FCRL3: variants seen among roughly 807,000 people sequenced by gnomAD.
FCRL3 encodes Fc receptor like 3, also known as Fc receptor-like protein 3.
A neutral mutation model predicts 75.0 loss-of-function variants in FCRL3; 89 were observed. The observed-to-expected ratio is 1.19, with a 90% confidence interval of 1.00 to 1.42. The LOEUF (loss-of-function observed/expected upper bound fraction) is 1.42, where lower values mean the gene tolerates loss of function less well. Among genes scored for constraint, FCRL3 ranks in the 40% most tolerant of loss-of-function variants. The pLI is 0.00. For missense variants in FCRL3, 946 were observed against 880.0 expected, an observed-to-expected ratio of 1.07 and a Z score of -0.95; for synonymous variants, 376 against 348.5, an observed-to-expected ratio of 1.08 and a Z score of -0.88.
At chr1:157,696,718 T>C (rs1655932971) in intron 6 of FCRL3, 1 of 249,022 alleles carries the variant, frequency 4.0e-6, no homozygotes, top group African/African-American at 2.2e-5. Flanking sequence ...CTTCTCCAGA[T>C]TTACATCCAT....
In FCRL3 at chr1:157,678,689, T is replaced by C; in HGVS notation, c.*21A>G. On this transcript the variant is annotated 3_prime_UTR_variant, in exon 15 of 15. Coordinates refer to ENST00000368184, the MANE Select transcript of FCRL3 (RefSeq NM_052939.4). ...AAAAAATGGTGCAGGCTGTTTCCTG[T>C]GGGCCACTCTGGGTAAGGGGCTAGT... 1 of 1,611,992 alleles carries C rather than the reference T, an allele frequency of 6.2e-7. No homozygotes were observed. The highest frequency in any genetic ancestry group is 8.5e-7 in the Non-Finnish European group (1 of 1,179,776).
chr1:157,679,100 GGA>G, intron 13 of FCRL3, 127 bp from the exon 14 acceptor site: 1 of 1,075,470 alleles, frequency 9.3e-7, no homozygotes, highest in Non-Finnish European at 1.4e-6. Flanking sequence ...TTCCTCTGCT[GGA>G]TTCTTCCAAA....
At chr1:157,679,393 C>T (rs565733485) in intron 13 of FCRL3, among the ~76,000 whole-genome samples, 8 of 152,260 alleles carry the variant, frequency 5.3e-5, no homozygotes, top group Admixed American at 4.6e-4. Context: ...AGATATGAGT[C>T]ACTTCACTTG....
chr1:157,697,467 A>G, intron 5 of FCRL3, 43 bp from the exon 6 acceptor site: 1 of 1,518,280 alleles, frequency 6.6e-7, no homozygotes, highest in Non-Finnish European at 8.8e-7. Flanking sequence ...GGTGAGGCTC[A>G]GAGTTCCTAG....
intron 11 of FCRL3, among the ~76,000 whole-genome samples, chr1:157,681,514 T>A (rs1474836449): frequency 5.3e-5 from 8 of 151,548 alleles, no homozygotes; most frequent in Middle Eastern, 3.4e-3. Flanking sequence ...GTTCTTGCGA[T>A]AGTTTGCTGA....
At chr1:157,682,995 A>T (rs553762642) in intron 11 of FCRL3, among the ~76,000 whole-genome samples, 5 of 152,248 alleles carry the variant, frequency 3.3e-5, no homozygotes, top group Non-Finnish European at 7.3e-5. Context: ...TAGATAAATT[A>T]ACATAGATAG....
chr1:157,695,504 C>A lies in FCRL3; in HGVS notation c.1236G>T (p.Pro412=), dbSNP rs140166500. 72 of 1,614,006 alleles carry A rather than the reference C, an allele frequency of 4.5e-5. No individual in the cohort carries two copies. The highest frequency in any genetic ancestry group is 6.0e-5 in the Non-Finnish European group (71 of 1,180,004). The change falls in exon 8 of 15, where the codon CCG becomes CCT. Residue 412 remains proline, a synonymous_variant. Transcript: ENST00000368184. ...CCTCATGATAAAATCGGTACAGGAT[C>A]GGGGGAGAGCCTCTCAGGGACTCAC... The part of the protein sequence containing the change: ...LHCESLRGSP[P]ILYRFYHEDV...
rs769483978 is a variant in FCRL3 at position 157,697,416 on chromosome 1, G to A, written c.568C>T (p.Leu190=). The A allele has an allele frequency of 1.3e-6, 2 of 1,540,124 alleles. No individual in the cohort carries two copies. Among genetic ancestry groups the A allele is most frequent in the Non-Finnish European group, 1.7e-6 (2 of 1,148,318 alleles). Residue 190 remains leucine (L), a synonymous_variant, in exon 6 of 15, where the codon CTA becomes TTA. Coordinates refer to ENST00000368184, the MANE Select transcript of FCRL3 (RefSeq NM_052939.4). Reference sequence around the variant, plus strand: ...GAGCTGGCTCTCAGCACAGGATGTAGAAACAGCTCTAATGAAAAGAAACAA... The same window carrying A: ...GAGCTGGCTCTCAGCACAGGATGTAAAAACAGCTCTAATGAAAAGAAACAA... ...PLNIQVQELF[L]HPVLRASSST...
In FCRL3 at chr1:157,695,314, G is replaced by T. The variant is rs1407316355; in HGVS notation, c.1411+15C>A. 1.9e-6 allele frequency: 3 copies of T among 1,608,084 alleles called. No homozygotes were observed. The highest frequency in any genetic ancestry group is 2.5e-6 in the Non-Finnish European group (3 of 1,176,664). ...TTGTATTGGCTGTTAACTGCTGTGG[G>T]TATATCTTGCTTACCTGTGACCCTG... On this transcript the variant is annotated intron_variant, in intron 8 of 14. Transcript: ENST00000368184.
chr1:157,690,440 C>A lies in FCRL3; in HGVS notation c.1505G>T (p.Gly502Val), dbSNP rs1655446293. Residue 502 changes from glycine to valine, a missense_variant, in exon 9 of 15, where the codon GGC becomes GTC. Gly to Val is a moderately radical substitution (Grantham distance 109). Coordinates refer to ENST00000368184, the MANE Select transcript of FCRL3 (RefSeq NM_052939.4). ...LLELHCESLRGSFPILYWFYH... is the reference protein window; with the variant it reads ...LLELHCESLRVSFPILYWFYH... The stretch of plus-strand genomic sequence containing the variant: ...AAACCAGTACAGGATCGGGAAGGAG[C>A]CTCTCAGGGACTCACAGTGAAGCTC... 4 of 1,614,222 alleles carry A rather than the reference C, an allele frequency of 2.5e-6. No homozygotes were observed. The highest frequency in any genetic ancestry group is 2.7e-5 in the African/African-American group (2 of 75,060).
chr1:157,684,997 G>C (rs1655086413), intron 10 of FCRL3, among the ~76,000 whole-genome samples: 1 of 152,002 alleles, frequency 6.6e-6, no homozygotes, highest in Non-Finnish European at 1.5e-5. Context: ...CCTCTGCTTG[G>C]TGAACTGTCC....
At chr1:157,691,164 T>C (rs995205192) in intron 8 of FCRL3, among the ~76,000 whole-genome samples, 8 of 152,164 alleles carry the variant, frequency 5.3e-5, no homozygotes, top group Admixed American at 6.5e-5. Flanking sequence ...TAATTGATGA[T>C]TGAATGGAAA....
At chr1:157,699,573 T>C (rs1264108308) in intron 3 of FCRL3, 119 bp downstream of exon 3, 9 of 1,027,242 alleles carry the variant, frequency 8.8e-6, no homozygotes, top group Non-Finnish European at 1.3e-5. Flanking sequence ...GTAGCAGATG[T>C]GACCCCAGAG....
intron 10 of FCRL3, among the ~76,000 whole-genome samples, chr1:157,688,447 A>G (rs1233005155): frequency 6.6e-6 from 1 of 152,168 alleles, no homozygotes; most frequent in East Asian, 1.9e-4. Flanking sequence ...AAAACTTGAT[A>G]GAATTGCAGA....
Position 157,689,885 on chromosome 1 carries a change from C to T in FCRL3, c.1723G>A (p.Ala575Thr), listed in dbSNP as rs1383153926. The T allele has an allele frequency of 3.7e-6, 6 of 1,614,114 alleles. No individual in the cohort carries two copies. Among genetic ancestry groups the T allele is most frequent in the Non-Finnish European group, 5.1e-6 (6 of 1,180,046 alleles). Residue 575 changes from alanine (A) to threonine (T), a missense_variant, in exon 10 of 15, where the codon GCG (alanine) becomes ACG (threonine). Physicochemically the swap from Ala to Thr is moderately conservative, Grantham distance 58 (BLOSUM62 0). Transcript: ENST00000368184. ...TSRNRTGLTAAGITGLVLSIL... is the reference protein window; with the variant it reads ...TSRNRTGLTATGITGLVLSIL... ...CTGAGCACCAGCCCCGTGATTCCCG[C>T]AGCGGTAAGGCCTGTTCTGTTCCTG...
In FCRL3 at chr1:157,696,085, CG is replaced by C; in HGVS notation, c.1086del (p.Asn362LysfsTer15). 2 of 1,613,294 alleles carry C rather than the reference CG, an allele frequency of 1.2e-6. No individual in the cohort carries two copies. Among genetic ancestry groups the C allele is most frequent in the Non-Finnish European group, 1.7e-6 (2 of 1,179,956 alleles). On this transcript the variant is annotated frameshift_variant, in exon 7 of 15. Transcript: ENST00000368184. LOFTEE classifies it high-confidence loss of function. ...DAGRYYCAAD[N>X]VHSPILSTWI... ...CACGTGCTGAGGATGGGGCTGTGAACGTTATCAGCTGCACAGTAGTATCTCC... is the reference window on the plus strand; with the variant it reads ...CACGTGCTGAGGATGGGGCTGTGAACTTATCAGCTGCACAGTAGTATCTCC...
At chr1:157,680,050 T>G (rs1023879328) in intron 13 of FCRL3, among the ~76,000 whole-genome samples, 1 of 152,118 alleles carries the variant, frequency 6.6e-6, no homozygotes. Context: ...CAGTGTGAGT[T>G]TCACTGTTAC....
chr1:157,700,750 A>G lies in FCRL3; in HGVS notation c.-185T>C. The stretch of plus-strand genomic sequence containing the variant: ...CTTCCATCAGCTGCAGTCTCTCAGG[A>G]GTAATGTCTCCAAGACTGTGCCTGG... On this transcript the variant is annotated 5_prime_UTR_variant, in exon 1 of 15. Coordinates refer to ENST00000368184, the MANE Select transcript of FCRL3 (RefSeq NM_052939.4). 7.2e-7 allele frequency: 1 copy of G among 1,387,224 alleles called. No homozygotes were observed. Among genetic ancestry groups the G allele is most frequent in the Middle Eastern group, 2.7e-4 (1 of 3,720 alleles). 85.9% of individuals were successfully genotyped at this position (1,387,224 alleles called of 1,614,324 possible). A position where few individuals can be genotyped will look rare whatever the true frequency, so the allele number is the denominator to read the frequency against.
chr1:157,679,828 C>CAAAAAAAAAAAAAA lies in FCRL3; in HGVS notation c.2027-856_2027-855insTTTTTTTTTTTTTT, dbSNP rs879258382. Among the ~76,000 whole-genome samples the CAAAAAAAAAAAAAA allele has an allele frequency of 6.5e-3, 182 of 27,896 alleles. 27 individuals carry two copies. The highest frequency in any genetic ancestry group is 0.011 in the South Asian group (3 of 264). The allele number at this position is 27,896 out of a possible 152,430, so 18.3% of individuals were successfully genotyped here. On this transcript the variant is annotated intron_variant, in intron 13 of 14. Transcript: ENST00000368184. ...TGGGCGACAGAACGAGACCCCATCTCACAAAAAAAAAAAAAAAAAAAAAAA... is the reference window on the plus strand; with the variant it reads ...TGGGCGACAGAACGAGACCCCATCTCAAAAAAAAAAAAAAACAAAAAAAAAAAAAAAAAAAAAAA...
Sources: allele counts gnomAD v4.1 joint callset (sites outside exome capture counted in the v4.1 genomes callset), GRCh38; gene constraint gnomAD v4.1.1; transcripts MANE v1.5; gene names NCBI Gene and HGNC (gene_info 2026-07-23, HGNC 2026-07-21).